ADGRV1: variants seen among roughly 807,000 people sequenced by gnomAD.
ADGRV1 encodes the protein adhesion G protein-coupled receptor V1.
A neutral mutation model predicts 596.2 loss-of-function variants in ADGRV1; 359 were observed. That is an observed-to-expected ratio of 0.60 (90% CI 0.55 to 0.66). ADGRV1 has a LOEUF of 0.66. Ranked by LOEUF, ADGRV1 falls within the 30% of genes least tolerant of loss-of-function variation. ADGRV1 has a pLI of 0.00. For missense variants in ADGRV1, 7,274 were observed against 7,575.6 expected (o/e 0.96, Z 1.48); for synonymous variants, 2,681 against 2,679.2 (o/e 1.00, Z -0.02).
At chr5:90,929,738 T>A (rs1257992441) in intron 83 of ADGRV1, 1 of 152,264 alleles carries the variant, frequency 6.6e-6, no homozygotes, top group Non-Finnish European at 1.5e-5. Flanking sequence ...TTACTATTAA[T>A]GATTAGGCAC....
chr5:90,636,697 G>A (rs528737291), intron 10 of ADGRV1, among the ~76,000 whole-genome samples: 2 of 152,262 alleles, frequency 1.3e-5, no homozygotes, highest in South Asian at 2.1e-4. Flanking sequence ...GTGATTCAGG[G>A]CCCCAGCCCT....
chr5:91,039,949 T>G (rs556211686), intron 85 of ADGRV1, among the ~76,000 whole-genome samples: 3 of 152,116 alleles, frequency 2.0e-5, no homozygotes, highest in Admixed American at 6.6e-5. Flanking sequence ...GTGGAACTCC[T>G]CAGCTAAAGA....
chr5:90,974,487 G>C (rs1441346185), intron 84 of ADGRV1, among the ~76,000 whole-genome samples: 1 of 152,078 alleles, frequency 6.6e-6, no homozygotes, highest in Non-Finnish European at 1.5e-5. Flanking sequence ...GCATGGTACT[G>C]GTACCAAAAC....
chr5:91,031,086 G>T (rs1784446178), intron 85 of ADGRV1: 1 of 1,439,758 alleles, frequency 6.9e-7, no homozygotes, highest in Non-Finnish European at 9.6e-7. Context: ...TGATACAGTA[G>T]CTCAGTGTTT....
chr5:90,775,848 A>C (rs1758169304), intron 60 of ADGRV1, among the ~76,000 whole-genome samples: 1 of 152,174 alleles, frequency 6.6e-6, no homozygotes, highest in Non-Finnish European at 1.5e-5. Context: ...ATCCATTGCC[A>C]AAGAAAGTGA....
intron 52 of ADGRV1, among the ~76,000 whole-genome samples, chr5:90,747,784 A>C (rs1185872262): frequency 6.6e-6 from 1 of 152,114 alleles, no homozygotes; most frequent in Non-Finnish European, 1.5e-5. Context: ...AATGGTGGGA[A>C]CTCTCCTGAA....
At chr5:90,976,334 ATATATATATATATATG>A (rs1562031957) in intron 84 of ADGRV1, among the ~76,000 whole-genome samples, 30 of 145,236 alleles carry the variant, frequency 2.1e-4, no homozygotes, top group Non-Finnish European at 3.8e-4. Flanking sequence ...ATATATATAT[ATATATATATATATATG>A]TATATGTATA....
In ADGRV1 at chr5:90,595,536, T is replaced by C. The variant is rs866559649; in HGVS notation, c.23-19299T>C. Reference sequence around the variant, plus strand: ...CCGGGCAGAGGCGCCCCTCACCTCCTGGACGGGGCGGCTGGCCGGGCGGGG... The same window carrying C: ...CCGGGCAGAGGCGCCCCTCACCTCCCGGACGGGGCGGCTGGCCGGGCGGGG... On this transcript the variant is annotated intron_variant, in intron 1 of 89. Transcript: ENST00000405460. Among the ~76,000 whole-genome samples the C allele has an allele frequency of 5.0e-3, 464 of 93,108 alleles. 3 individuals are homozygous for C. The highest frequency in any genetic ancestry group is 0.014 in the African/African-American group (281 of 20,758). 61.1% of individuals were successfully genotyped at this position (93,108 alleles called of 152,430 possible). A position where few individuals can be genotyped will look rare whatever the true frequency, so the allele number is the denominator to read the frequency against.
intron 84 of ADGRV1, among the ~76,000 whole-genome samples, chr5:90,982,790 G>T (rs1780186831): frequency 6.6e-6 from 1 of 152,176 alleles, no homozygotes; most frequent in Non-Finnish European, 1.5e-5. Flanking sequence ...GGCCAGGGGA[G>T]CAATGTCAGG....
chr5:90,622,663 GA>G lies in ADGRV1; in HGVS notation c.524del (p.Lys175ArgfsTer9). On this transcript the variant is annotated frameshift_variant, in exon 5 of 90. Transcript: ENST00000405460. LOFTEE classifies it high-confidence loss of function. ...NESMPLTLIR[E>X]KGTYGMVMVT... ...GTCTATGCCTCTTACTCTCATCAGGGAAAAGGGAACCTATGGAATGGTCATG... is the reference window on the plus strand; with the variant it reads ...GTCTATGCCTCTTACTCTCATCAGGGAAAGGGAACCTATGGAATGGTCATG... 9 of 1,557,416 alleles carry G rather than the reference GA, an allele frequency of 5.8e-6. No homozygotes were observed. Among genetic ancestry groups the G allele is most frequent in the African/African-American group, 2.7e-5 (2 of 73,044 alleles).
chr5:90,808,715 C>A (rs893003589), intron 73 of ADGRV1, among the ~76,000 whole-genome samples: 1 of 152,126 alleles, frequency 6.6e-6, no homozygotes, highest in East Asian at 1.9e-4. Context: ...GCCAACATGG[C>A]AAAACCCCAT....
At chr5:90,664,861 A>G (rs931602151) in intron 21 of ADGRV1, among the ~76,000 whole-genome samples, 2 of 149,824 alleles carry the variant, frequency 1.3e-5, no homozygotes, top group Non-Finnish European at 3.0e-5. Context: ...TTCTGTATCT[A>G]TTGAGATAAT....
At position 90,769,536 on chromosome 5, in the gene ADGRV1, TC is replaced by T. The variant is rs374957314; in HGVS notation, c.12286-4649del. Among the ~76,000 whole-genome samples, 309 of 152,338 alleles carry T rather than the reference TC, an allele frequency of 2.0e-3. 2 individuals carry two copies. The highest frequency in any genetic ancestry group is 7.0e-3 in the African/African-American group (293 of 41,582). Reference sequence around the variant, plus strand: ...AGAATCATGATGCATATCATTTTTATCTCTACCTTTTCCTCTGCATTCTAAA... The same window carrying T: ...AGAATCATGATGCATATCATTTTTATTCTACCTTTTCCTCTGCATTCTAAA... On this transcript the variant is annotated intron_variant, in intron 59 of 89. Coordinates refer to ENST00000405460, the MANE Select transcript of ADGRV1 (RefSeq NM_032119.4).
At chr5:91,069,610 C>G (rs1188207754) in intron 85 of ADGRV1, among the ~76,000 whole-genome samples, 1 of 152,132 alleles carries the variant, frequency 6.6e-6, no homozygotes, top group Non-Finnish European at 1.5e-5. Flanking sequence ...CAAAAAACAA[C>G]AGATATTGGC....
chr5:90,574,933 A>G (rs2151962633), intron 1 of ADGRV1, among the ~76,000 whole-genome samples: 1 of 152,254 alleles, frequency 6.6e-6, no homozygotes, highest in Middle Eastern at 3.4e-3. Context: ...CAGTTGTAAT[A>G]TAACTTTTGT....
In ADGRV1 at chr5:90,744,949, T is replaced by C. The variant is rs994191396; in HGVS notation, c.10550-97T>C. The C allele has an allele frequency of 1.1e-5, 9 of 783,222 alleles. No homozygotes were observed. In the African/African-American group the frequency reaches 1.6e-4, roughly 14 times the overall value. 48.5% of individuals were successfully genotyped at this position (783,222 alleles called of 1,614,324 possible). On this transcript the variant is annotated intron_variant, in intron 50 of 89. Transcript: ENST00000405460. ...TACCTCAGAAATCACAATGGAACTT[T>C]GAGATTTTGGAAGATTTTGCTTTGG...
intron 85 of ADGRV1, among the ~76,000 whole-genome samples, chr5:91,063,208 C>T (rs1425961250): frequency 6.6e-6 from 1 of 152,018 alleles, no homozygotes; most frequent in Non-Finnish European, 1.5e-5. Context: ...ATCTGCCCAC[C>T]TCGGCCTCCC....
chr5:91,154,496 C>T (rs939891082), intron 89 of ADGRV1, among the ~76,000 whole-genome samples: 25 of 152,306 alleles, frequency 1.6e-4, no homozygotes, highest in African/African-American at 4.6e-4. Flanking sequence ...AGTTAAGCGG[C>T]GGCGCAAAGC....
intron 1 of ADGRV1, among the ~76,000 whole-genome samples, chr5:90,594,485 CTTTTTTT>C (rs569370594): frequency 2.8e-5 from 3 of 108,316 alleles, no homozygotes; most frequent in African/African-American, 4.2e-5. Context: ...TCTGGCAGTT[CTTTTTTT>C]TTTTTTTTTT....
Sources: allele counts gnomAD v4.1 joint callset (sites outside exome capture counted in the v4.1 genomes callset), GRCh38; gene constraint gnomAD v4.1.1; transcripts MANE v1.5; gene names NCBI Gene and HGNC (gene_info 2026-07-23, HGNC 2026-07-21).